The following TBCK variants were observed in gnomAD, a reference collection of about 807,000 sequenced individuals.
TBCK encodes the protein TBC domain-containing protein kinase-like protein.
TBCK carries 99 observed loss-of-function variants against 113.4 expected under a neutral mutation model. The observed-to-expected ratio is 0.87, with a 90% CI of 0.74 to 1.03. The LOEUF (loss-of-function observed/expected upper bound fraction) is 1.03, where lower values mean the gene tolerates loss of function less well. Ranked by LOEUF, TBCK falls within the 50% of genes least tolerant of loss-of-function variation. The pLI is 0.00. For missense variants in TBCK, 1,045 were observed against 1,061.3 expected (o/e 0.98, Z 0.21); for synonymous variants, 369 against 370.8 (o/e 1.00, Z 0.05).
intron 6 of TBCK, chr4:106,251,208 A>G (rs552215596): frequency 2.7e-4 from 92 of 338,618 alleles, no homozygotes; most frequent in African/African-American, 1.8e-3. Flanking sequence ...TAAAATTAAA[A>G]TATTAACTGT....
At chr4:106,093,088 A>G (rs2149513813) in intron 25 of TBCK, among the ~76,000 whole-genome samples, 1 of 152,332 alleles carries the variant, frequency 6.6e-6, no homozygotes, top group South Asian at 2.1e-4. Context: ...TCTCTGTTGG[A>G]TGGTAGATAC....
intron 24 of TBCK, among the ~76,000 whole-genome samples, chr4:106,107,972 C>G (rs1232298555): frequency 6.6e-6 from 1 of 151,824 alleles, no homozygotes; most frequent in Non-Finnish European, 1.5e-5. Context: ...ATGAAAATAA[C>G]CATATGCTCT....
At chr4:106,061,009 T>C (rs1265018949) in intron 25 of TBCK, among the ~76,000 whole-genome samples, 1 of 151,362 alleles carries the variant, frequency 6.6e-6, no homozygotes, top group Non-Finnish European at 1.5e-5. Flanking sequence ...ATGATAAAAC[T>C]TGGATGGATG....
intron 2 of TBCK, among the ~76,000 whole-genome samples, chr4:106,296,765 G>T (rs1444108727): frequency 6.6e-6 from 1 of 151,986 alleles, no homozygotes; most frequent in Non-Finnish European, 1.5e-5. Flanking sequence ...AAATGATGAA[G>T]CTAGAGAGAG....
chr4:106,131,918 C>T (rs1356341329), intron 23 of TBCK, among the ~76,000 whole-genome samples: 2 of 152,124 alleles, frequency 1.3e-5, no homozygotes, highest in Non-Finnish European at 2.9e-5. Flanking sequence ...TGAAAAGAGA[C>T]TGGCAGCATT....
At position 106,286,814 on chromosome 4, in the gene TBCK, C is replaced by CGATCACAGTAAGCAGT. The variant is rs1419602272; in HGVS notation, c.266+8264_266+8279dup. Reference sequence around the variant, plus strand: ...GCGAGGTCAAGGCTACAGTAAGCAGCGATCACAGTAAGCAGTGATCGCACT... The same window carrying CGATCACAGTAAGCAGT: ...GCGAGGTCAAGGCTACAGTAAGCAGCGATCACAGTAAGCAGTGATCACAGTAAGCAGTGATCGCACT... On this transcript the variant is annotated intron_variant, in intron 3 of 25. Transcript: ENST00000394708. Among the ~76,000 whole-genome samples the CGATCACAGTAAGCAGT allele has an allele frequency of 2.1e-5, 3 of 145,964 alleles. No individual in the cohort carries two copies. The Admixed American group carries it at 2.1e-4, about 10-fold the overall frequency.
At chr4:106,294,439 A>G (rs1766053449) in intron 3 of TBCK, among the ~76,000 whole-genome samples, 1 of 151,882 alleles carries the variant, frequency 6.6e-6, no homozygotes, top group Non-Finnish European at 1.5e-5. Context: ...CAGCCTGGCC[A>G]ACATAGTGAA....
intron 19 of TBCK, among the ~76,000 whole-genome samples, chr4:106,225,033 G>T (rs1758086190): frequency 6.6e-6 from 1 of 152,140 alleles, no homozygotes; most frequent in Non-Finnish European, 1.5e-5. Flanking sequence ...CCGTATCATA[G>T]TATGAAGTCC....
chr4:106,154,048 T>C (rs1200401170), intron 23 of TBCK, among the ~76,000 whole-genome samples: 1 of 152,130 alleles, frequency 6.6e-6, no homozygotes, highest in East Asian at 1.9e-4. Context: ...AAGGAGTTTA[T>C]TCCATTTACT....
chr4:106,247,259 T>C lies in TBCK; in HGVS notation c.811A>G (p.Lys271Glu), dbSNP rs1760929739. ...RPTPDQLMKD[K>E]VFSEVSPLYT... ...AAAGGTGATACCTCACTGAATACTTTGTCCTTCATTAATTGATCTGGGGTT... is the reference window on the plus strand; with the variant it reads ...AAAGGTGATACCTCACTGAATACTTCGTCCTTCATTAATTGATCTGGGGTT... The change falls in exon 10 of 26, where the codon AAA becomes GAA. Residue 271 changes from lysine to glutamate, a missense_variant. Lys to Glu is a moderately conservative substitution (Grantham distance 56). Coordinates refer to ENST00000394708, the MANE Select transcript of TBCK (RefSeq NM_001163435.3). 1.9e-6 allele frequency: 3 copies of C among 1,612,448 alleles called. No homozygotes were observed. The highest frequency in any genetic ancestry group is 2.7e-5 in the African/African-American group (2 of 74,998).
chr4:106,172,620 C>A (rs2149743331), intron 22 of TBCK, among the ~76,000 whole-genome samples: 1 of 151,926 alleles, frequency 6.6e-6, no homozygotes, highest in East Asian at 1.9e-4. Flanking sequence ...TTTTTTCTCC[C>A]CCTCTTTTTG....
chr4:106,216,703 T>G (rs539092261), intron 19 of TBCK, among the ~76,000 whole-genome samples: 25 of 152,174 alleles, frequency 1.6e-4, no homozygotes, highest in South Asian at 4.1e-4. Flanking sequence ...AATAACAGGA[T>G]CTGAGATTGT....
chr4:106,105,993 A>G (rs946758238), intron 24 of TBCK, among the ~76,000 whole-genome samples: 1 of 152,184 alleles, frequency 6.6e-6, no homozygotes, highest in African/African-American at 2.4e-5. Flanking sequence ...ATTTCACAAT[A>G]CAATCTCCAG....
chr4:106,122,336 A>G (rs1454653565), intron 23 of TBCK, among the ~76,000 whole-genome samples: 1 of 152,186 alleles, frequency 6.6e-6, no homozygotes, highest in African/African-American at 2.4e-5. Context: ...AAGAAGTTGA[A>G]TCTCTGAATA....
At chr4:106,111,803 T>G (rs1488933742) in intron 24 of TBCK, among the ~76,000 whole-genome samples, 6 of 152,176 alleles carry the variant, frequency 3.9e-5, no homozygotes, top group Admixed American at 2.6e-4. Context: ...AAGGTTAAAT[T>G]AAATACTAGC....
chr4:106,239,569 C>T (rs1319550435), intron 12 of TBCK, among the ~76,000 whole-genome samples: 1 of 151,876 alleles, frequency 6.6e-6, no homozygotes, highest in Admixed American at 6.6e-5. Context: ...CAATAGGTGA[C>T]ATTTTAGCAG....
At chr4:106,223,881 T>C (rs1291256447) in intron 19 of TBCK, among the ~76,000 whole-genome samples, 1 of 152,142 alleles carries the variant, frequency 6.6e-6, no homozygotes, top group East Asian at 1.9e-4. Context: ...GATTTCTTTC[T>C]AATTCCTCCA....
At chr4:106,054,586 T>C (rs887372897) in intron 25 of TBCK, among the ~76,000 whole-genome samples, 10 of 151,766 alleles carry the variant, frequency 6.6e-5, no homozygotes, top group African/African-American at 2.4e-4. Context: ...CCAAATATTG[T>C]AAGTTCCATG....
chr4:106,091,707 G>T (rs1011104890), intron 25 of TBCK, among the ~76,000 whole-genome samples: 7 of 152,152 alleles, frequency 4.6e-5, no homozygotes, highest in Non-Finnish European at 8.8e-5. Context: ...AGCTCATAAA[G>T]GCAGTGTGGA....
Sources: allele counts gnomAD v4.1 joint callset (sites outside exome capture counted in the v4.1 genomes callset), GRCh38; gene constraint gnomAD v4.1.1; transcripts MANE v1.5; gene names NCBI Gene and HGNC (gene_info 2026-07-23, HGNC 2026-07-21).